TMEM132D: variants seen among roughly 807,000 people sequenced by gnomAD.
TMEM132D encodes the protein transmembrane protein 132D, also known as mature OL transmembrane protein.
A neutral mutation model predicts 62.3 loss-of-function variants in TMEM132D; 21 were observed. The ratio of observed to expected loss-of-function variants is 0.34; its 90% CI spans 0.24 to 0.49. The LOEUF (loss-of-function observed/expected upper bound fraction) is 0.49, where lower values mean the gene tolerates loss of function less well. Among genes scored for constraint, TMEM132D ranks in the 20% least tolerant of loss-of-function variants. The pLI is 0.99. For synonymous variants in TMEM132D, 621 were observed against 575.6 expected, an observed-to-expected ratio of 1.08 and a Z score of -1.13; for missense variants, 1,346 against 1,402.8, an observed-to-expected ratio of 0.96 and a Z score of 0.65.
rs568727121 is a variant in TMEM132D at position 129,283,256 on chromosome 12, C to T, written c.1299+54378G>A. 5.9e-5 allele frequency among the ~76,000 whole-genome samples: 9 copies of T among 152,296 alleles called. No homozygotes were observed. In the South Asian group the frequency reaches 6.2e-4, roughly 11 times the overall value. On this transcript the variant is annotated intron_variant, in intron 4 of 8. Transcript: ENST00000422113. ...GAGTGACTCTGGTAGAAATTACCTT[C>T]GACCTTCTCACTGCAACCTCTGCCT... is the stretch of plus-strand genomic sequence containing the variant.
chr12:129,339,301 A>C (rs1869390485), intron 3 of TMEM132D, among the ~76,000 whole-genome samples: 1 of 134,824 alleles, frequency 7.4e-6, no homozygotes, highest in Non-Finnish European at 1.6e-5. Flanking sequence ...AGAAAGATAG[A>C]AGAGGAGGAA....
chr12:129,409,142 A>G (rs1249725739), intron 3 of TMEM132D, among the ~76,000 whole-genome samples: 2 of 152,162 alleles, frequency 1.3e-5, no homozygotes, highest in Non-Finnish European at 2.9e-5. Flanking sequence ...CATGTTGGCC[A>G]GGCTGGGCTT....
chr12:129,833,452 C>A (rs900097056), intron 1 of TMEM132D, among the ~76,000 whole-genome samples: 3 of 149,886 alleles, frequency 2.0e-5, no homozygotes, highest in Non-Finnish European at 2.9e-5. Context: ...AAATGAAAAA[C>A]AAAAACAAAA....
intron 4 of TMEM132D, among the ~76,000 whole-genome samples, chr12:129,260,948 T>C (rs572825332): frequency 6.6e-6 from 1 of 152,324 alleles, no homozygotes; most frequent in South Asian, 2.1e-4. Context: ...ATCTTTGCAA[T>C]TGCAAAATGT....
In TMEM132D at chr12:129,073,706, C is replaced by T. The variant is rs552827155; in HGVS notation, c.*169G>A. The T allele has an allele frequency of 3.1e-5, 18 of 575,970 alleles. No homozygotes were observed. Among genetic ancestry groups the T allele is most frequent in the South Asian group, 1.7e-4 (6 of 36,314 alleles). The allele number at this position is 575,970 out of a possible 1,614,324, so 35.7% of individuals were successfully genotyped here. A position where few individuals can be genotyped will look rare whatever the true frequency, so the allele number is the denominator to read the frequency against. On this transcript the variant is annotated 3_prime_UTR_variant, in exon 9 of 9. Transcript: ENST00000422113. ...GTACTCTGGAATGTGTGCGTCGATG[C>T]GGACTCCAGGCCTCGCCGCCGAGCC...
At chr12:129,413,237 C>T (rs1436160565) in intron 3 of TMEM132D, among the ~76,000 whole-genome samples, 1 of 152,140 alleles carries the variant, frequency 6.6e-6, no homozygotes, top group Non-Finnish European at 1.5e-5. Flanking sequence ...ATCATGGAGG[C>T]AGTTTCCCCC....
chr12:129,688,749 T>C (rs1297026774), intron 2 of TMEM132D, among the ~76,000 whole-genome samples: 1 of 152,010 alleles, frequency 6.6e-6, no homozygotes, highest in Non-Finnish European at 1.5e-5. Flanking sequence ...TCAAGTCTTC[T>C]GCCTTATGGA....
At chr12:129,514,940 C>T (rs931199977) in intron 3 of TMEM132D, among the ~76,000 whole-genome samples, 5 of 152,142 alleles carry the variant, frequency 3.3e-5, no homozygotes, top group African/African-American at 9.7e-5. Flanking sequence ...TGATGGAAAA[C>T]AAGGACTGCC....
At chr12:129,655,762 T>C (rs1880055826) in intron 2 of TMEM132D, among the ~76,000 whole-genome samples, 1 of 152,124 alleles carries the variant, frequency 6.6e-6, no homozygotes, top group African/African-American at 2.4e-5. Flanking sequence ...AACCGGAAAA[T>C]AGCATCATCT....
chr12:129,088,398 G>A (rs532962800), intron 5 of TMEM132D, among the ~76,000 whole-genome samples: 1 of 45,566 alleles, frequency 2.2e-5, no homozygotes, highest in Non-Finnish European at 3.8e-5. Flanking sequence ...CTCTATGACC[G>A]GGTGTCCTCC....
intron 1 of TMEM132D, among the ~76,000 whole-genome samples, chr12:129,725,451 C>G (rs987229790): frequency 2.0e-5 from 3 of 152,204 alleles, no homozygotes; most frequent in Admixed American, 6.5e-5. Flanking sequence ...TGCCACCGAA[C>G]TTGGATTTGG....
chr12:129,258,199 C>A (rs76230092), intron 4 of TMEM132D, among the ~76,000 whole-genome samples: 3,574 of 152,244 alleles, frequency 0.023, 142 homozygotes, highest in African/African-American at 0.081. Flanking sequence ...TAAAGCTGGG[C>A]TGGTTCCCAC....
At chr12:129,351,422 G>C (rs1272223914) in intron 3 of TMEM132D, among the ~76,000 whole-genome samples, 1 of 152,150 alleles carries the variant, frequency 6.6e-6, no homozygotes, top group East Asian at 1.9e-4. Flanking sequence ...TACACGCCCT[G>C]GCCGTACCTC....
At chr12:129,591,952 A>G (rs1014121076) in intron 2 of TMEM132D, among the ~76,000 whole-genome samples, 2 of 152,218 alleles carry the variant, frequency 1.3e-5, no homozygotes, top group African/African-American at 2.4e-5. Context: ...ACTGATAATA[A>G]AAATAGTATT....
chr12:129,731,718 A>G (rs907276088), intron 1 of TMEM132D, among the ~76,000 whole-genome samples: 1 of 151,784 alleles, frequency 6.6e-6, no homozygotes, highest in African/African-American at 2.4e-5. Flanking sequence ...GCTACAGTGC[A>G]GTGGCACTAT....
chr12:129,218,163 G>A (rs760642118), intron 4 of TMEM132D, among the ~76,000 whole-genome samples: 1 of 152,104 alleles, frequency 6.6e-6, no homozygotes, highest in Non-Finnish European at 1.5e-5. Context: ...CTTTTCTGAG[G>A]GCTTTTTGTC....
chr12:129,863,926 G>A (rs1873978728), intron 1 of TMEM132D, among the ~76,000 whole-genome samples: 1 of 152,184 alleles, frequency 6.6e-6, no homozygotes, highest in Non-Finnish European at 1.5e-5. Flanking sequence ...TAGGGATATG[G>A]TGGGTTTTAA....
At chr12:129,735,243 G>A (rs974879606) in intron 1 of TMEM132D, among the ~76,000 whole-genome samples, 8 of 152,148 alleles carry the variant, frequency 5.3e-5, no homozygotes, top group African/African-American at 1.2e-4. Context: ...TCTGGGAACA[G>A]AACACTGAAA....
chr12:129,444,428 C>G (rs1873035261), intron 3 of TMEM132D, among the ~76,000 whole-genome samples: 1 of 152,002 alleles, frequency 6.6e-6, no homozygotes, highest in Non-Finnish European at 1.5e-5. Flanking sequence ...CAACAAGCAA[C>G]CCCATTAAAA....
Sources: allele counts gnomAD v4.1 joint callset (sites outside exome capture counted in the v4.1 genomes callset), GRCh38; gene constraint gnomAD v4.1.1; transcripts MANE v1.5; gene names NCBI Gene and HGNC (gene_info 2026-07-23, HGNC 2026-07-21).